TRAF3: variants seen among roughly 807,000 people sequenced by gnomAD.
The protein encoded by TRAF3 is TNF receptor-associated factor 3.
TRAF3 carries 13 observed loss-of-function variants against 62.3 expected under a neutral mutation model. The observed-to-expected ratio is 0.21, with a 90% CI of 0.14 to 0.33. The LOEUF is 0.33. Ranked by LOEUF, TRAF3 falls within the 10% of genes least tolerant of loss-of-function variation. The pLI, the probability that TRAF3 is intolerant of heterozygous loss-of-function variation, is 1.00. For synonymous variants in TRAF3, 269 were observed against 283.4 expected (o/e 0.95, Z 0.51); for missense variants, 440 against 741.8 (o/e 0.59, Z 4.73).
In TRAF3 at chr14:102,821,931, A is replaced by C. The variant is rs114610406; in HGVS notation, c.-156-8403A>C. On this transcript the variant is annotated intron_variant, in intron 1 of 11. Transcript: ENST00000392745. ...GTGGCGTGTGCCTGTAATCCTAGCT[A>C]TTCGAGAGGCTGAGACAAAAGAATT... Among the ~76,000 whole-genome samples the C allele has an allele frequency of 5.3e-3, 814 of 152,276 alleles. 6 individuals carry two copies. Among genetic ancestry groups the C allele is most frequent in the African/African-American group, 0.019 (789 of 41,548 alleles).
chr14:102,864,147 C>CTTTT (rs1022782387), intron 2 of TRAF3, among the ~76,000 whole-genome samples: 4 of 133,956 alleles, frequency 3.0e-5, no homozygotes, highest in East Asian at 2.1e-4. Context: ...TTGCCTTTTT[C>CTTTT]TTTTTTTTTT....
intron 4 of TRAF3, among the ~76,000 whole-genome samples, chr14:102,873,143 G>C (rs999340720): frequency 6.6e-6 from 1 of 152,214 alleles, no homozygotes; most frequent in African/African-American, 2.4e-5. Flanking sequence ...TGCAGATTGG[G>C]TTTGTTGGTC....
intron 6 of TRAF3, among the ~76,000 whole-genome samples, chr14:102,880,934 G>A (rs537998713): frequency 1.9e-4 from 29 of 152,186 alleles, no homozygotes; most frequent in Non-Finnish European, 3.5e-4. Context: ...AAAATGAGCC[G>A]GGTGTGGTGG....
At chr14:102,808,420 G>A (rs1292835175) in intron 1 of TRAF3, among the ~76,000 whole-genome samples, 1 of 151,880 alleles carries the variant, frequency 6.6e-6, no homozygotes, top group East Asian at 1.9e-4. Flanking sequence ...GGCTGAGGCA[G>A]GAGAATTGCT....
At chr14:102,891,244 CT>C in intron 8 of TRAF3, 80 bp from the exon 9 acceptor site, 2 of 1,316,878 alleles carry the variant, frequency 1.5e-6, no homozygotes, top group East Asian at 2.5e-5. Context: ...TTTAGTGCTG[CT>C]TTTAGGGTCG....
At chr14:102,784,188 A>G (rs1002191785) in intron 1 of TRAF3, among the ~76,000 whole-genome samples, 5 of 148,208 alleles carry the variant, frequency 3.4e-5, no homozygotes, top group African/African-American at 1.0e-4. Context: ...CCTGTTCCCA[A>G]CGTTTGCTCC....
At chr14:102,889,694 T>G in intron 8 of TRAF3, 60 bp downstream of exon 8, 1 of 1,572,034 alleles carries the variant, frequency 6.4e-7, no homozygotes, top group Non-Finnish European at 8.8e-7. Context: ...AGAAAGTTAT[T>G]ATATTAACAT....
intron 1 of TRAF3, among the ~76,000 whole-genome samples, chr14:102,784,406 AG>A (rs2140062105): frequency 6.6e-6 from 1 of 152,140 alleles, no homozygotes; most frequent in East Asian, 1.9e-4. Flanking sequence ...TATTTTTAGT[AG>A]AAACAGGGTT....
intron 1 of TRAF3, among the ~76,000 whole-genome samples, chr14:102,825,232 T>C (rs1900229714): frequency 6.6e-6 from 1 of 152,202 alleles, no homozygotes; most frequent in South Asian, 2.1e-4. Flanking sequence ...CACCCACTGG[T>C]GCACTTGGAA....
At chr14:102,876,805 C>T (rs939225132) in intron 6 of TRAF3, 22 of 446,312 alleles carry the variant, frequency 4.9e-5, no homozygotes, top group African/African-American at 1.6e-4. Flanking sequence ...ACAAGCCTTC[C>T]GCTCAATTCG....
intron 7 of TRAF3, among the ~76,000 whole-genome samples, chr14:102,886,861 A>G (rs535551751): frequency 5.1e-4 from 77 of 152,368 alleles, no homozygotes; most frequent in Admixed American, 9.1e-4. Context: ...AAAGGTGACG[A>G]GGGGTTTTTA....
At chr14:102,886,316 T>A (rs1566797668) in intron 7 of TRAF3, 47 bp downstream of exon 7, 1 of 1,532,812 alleles carries the variant, frequency 6.5e-7, no homozygotes, top group East Asian at 2.3e-5. Context: ...TCCTCAGGGC[T>A]GCGTGCCTGG....
intron 6 of TRAF3, among the ~76,000 whole-genome samples, chr14:102,885,337 G>T (rs897206029): frequency 6.6e-6 from 1 of 152,212 alleles, no homozygotes; most frequent in African/African-American, 2.4e-5. Context: ...TGAAAAGATG[G>T]ATGGGGGAGG....
intron 1 of TRAF3, among the ~76,000 whole-genome samples, chr14:102,816,457 TA>T (rs968102557): frequency 6.6e-6 from 1 of 152,264 alleles, no homozygotes; most frequent in African/African-American, 2.4e-5. Flanking sequence ...AAGTGTGGTT[TA>T]AAAAAATGCA....
At chr14:102,806,200 AG>A (rs1898763770) in intron 1 of TRAF3, among the ~76,000 whole-genome samples, 1 of 152,208 alleles carries the variant, frequency 6.6e-6, no homozygotes, top group Non-Finnish European at 1.5e-5. Flanking sequence ...AGTTGCGCCA[AG>A]GTTGAGAAAC....
At chr14:102,833,267 G>A (rs568835056) in intron 2 of TRAF3, among the ~76,000 whole-genome samples, 1 of 152,298 alleles carries the variant, frequency 6.6e-6, no homozygotes, top group Admixed American at 6.5e-5. Flanking sequence ...TTCCTTGAAG[G>A]TGGTTGGATG....
At chr14:102,863,268 A>T (rs577014698) in intron 2 of TRAF3, among the ~76,000 whole-genome samples, 1 of 152,314 alleles carries the variant, frequency 6.6e-6, no homozygotes, top group Admixed American at 6.5e-5. Flanking sequence ...CCCAGGGTTT[A>T]TTGACTGCTT....
intron 6 of TRAF3, among the ~76,000 whole-genome samples, chr14:102,881,631 G>A (rs796938923): frequency 9.2e-5 from 14 of 152,246 alleles, no homozygotes; most frequent in African/African-American, 3.1e-4. Context: ...TAATGGATGC[G>A]GGGCTTAATA....
chr14:102,868,062 C>T (rs1403238368), intron 2 of TRAF3, among the ~76,000 whole-genome samples: 1 of 152,248 alleles, frequency 6.6e-6, no homozygotes, highest in Non-Finnish European at 1.5e-5. Context: ...CCCGCCCACC[C>T]AGCAACTACC....
Sources: gnomAD v4.1 joint callset for allele counts (sites outside exome capture counted in the v4.1 genomes callset) on GRCh38, gnomAD v4.1.1 for gene constraint, MANE v1.5 for transcripts, NCBI Gene and HGNC (gene_info 2026-07-23, HGNC 2026-07-21) for gene names.